RHOBTB1: variants seen among roughly 807,000 people sequenced by gnomAD.
RHOBTB1 encodes rho-related BTB domain-containing protein 1.
A neutral mutation model predicts 71.6 loss-of-function variants in RHOBTB1; 40 were observed. The ratio of observed to expected loss-of-function variants is 0.56; its 90% CI spans 0.43 to 0.73. The LOEUF (loss-of-function observed/expected upper bound fraction) is 0.73. Among genes scored for constraint, RHOBTB1 ranks in the 30% least tolerant of loss-of-function variants. The probability of loss-of-function intolerance (pLI) is 0.00; values close to 1 mark genes in which losing one functional copy is unlikely to be tolerated. For synonymous variants in RHOBTB1, 319 were observed against 334.9 expected (o/e 0.95, Z 0.52); for missense variants, 797 against 894.0 (o/e 0.89, Z 1.38).
intron 3 of RHOBTB1, 127 bp downstream of exon 3, chr10:60,911,224 G>T: frequency 1.0e-6 from 1 of 980,826 alleles, no homozygotes; most frequent in Non-Finnish European, 1.5e-6. Flanking sequence ...GTTTTCTCTC[G>T]TGGCACTAAA....
At chr10:60,864,821 G>A (rs1564708115), downstream of RHOBTB1, among the ~76,000 whole-genome samples, 1 of 152,074 alleles carries the variant, frequency 6.6e-6, no homozygotes, top group African/African-American at 2.4e-5. Flanking sequence ...GCCTCGCATA[G>A]CTAGGATTAC....
At chr10:60,882,494 T>G (rs2132452204) in intron 7 of RHOBTB1, among the ~76,000 whole-genome samples, 1 of 152,270 alleles carries the variant, frequency 6.6e-6, no homozygotes, top group Admixed American at 6.5e-5. Flanking sequence ...ATACAATGTT[T>G]TCCTGAATAT....
At chr10:60,977,706 G>T (rs1183757016) in intron 2 of RHOBTB1, among the ~76,000 whole-genome samples, 1 of 151,986 alleles carries the variant, frequency 6.6e-6, no homozygotes, top group East Asian at 1.9e-4. Context: ...CATGAACCAA[G>T]GTGGTGAAAA....
intron 8 of RHOBTB1, chr10:60,877,301 T>C (rs985676794): frequency 6.6e-6 from 1 of 152,262 alleles, no homozygotes; most frequent in Non-Finnish European, 1.5e-5. Context: ...GAAAACCACT[T>C]ACATAATGCT....
chr10:60,874,579 T>C (rs2080951877), intron 9 of RHOBTB1, among the ~76,000 whole-genome samples: 1 of 152,220 alleles, frequency 6.6e-6, no homozygotes, highest in Non-Finnish European at 1.5e-5. Flanking sequence ...GAGATGTTCA[T>C]TAACAGGGGA....
chr10:60,911,799 T>A (rs1371758966), intron 2 of RHOBTB1, among the ~76,000 whole-genome samples: 1 of 152,198 alleles, frequency 6.6e-6, no homozygotes, highest in Non-Finnish European at 1.5e-5. Flanking sequence ...CGTTAACTGT[T>A]ATTTTCTCCT....
At chr10:60,946,133 G>A (rs540091058), upstream of RHOBTB1, among the ~76,000 whole-genome samples, 60 of 151,720 alleles carry the variant, frequency 4.0e-4, no homozygotes, top group African/African-American at 1.4e-3. Context: ...AGCCGAGATC[G>A]CGCCACTGCA....
chr10:60,917,516 G>A (rs10994576), intron 2 of RHOBTB1, among the ~76,000 whole-genome samples: 1 of 151,880 alleles, frequency 6.6e-6, no homozygotes, highest in African/African-American at 2.4e-5. Context: ...TCTGGTGAGG[G>A]CTCTCTTCCT....
intron 4 of RHOBTB1, among the ~76,000 whole-genome samples, chr10:60,894,150 C>G (rs2082054360): frequency 6.6e-6 from 1 of 152,078 alleles, no homozygotes; most frequent in South Asian, 2.1e-4. Context: ...TGAAGACAAA[C>G]AAATATATGC....
At chr10:60,980,525 C>T (rs1349278329) in intron 2 of RHOBTB1, among the ~76,000 whole-genome samples, 2 of 151,736 alleles carry the variant, frequency 1.3e-5, no homozygotes, top group Non-Finnish European at 2.9e-5. Context: ...CAGTCCTTTG[C>T]TTATTGAGAG....
At chr10:60,891,614 T>C (rs1030084596) in intron 5 of RHOBTB1, among the ~76,000 whole-genome samples, 1 of 151,990 alleles carries the variant, frequency 6.6e-6, no homozygotes, top group Non-Finnish European at 1.5e-5. Context: ...TCCTGAAATG[T>C]TGGGTTTACA....
At chr10:60,913,959 G>A (rs2083131760) in intron 2 of RHOBTB1, among the ~76,000 whole-genome samples, 1 of 152,096 alleles carries the variant, frequency 6.6e-6, no homozygotes, top group Admixed American at 6.5e-5. Flanking sequence ...CACACTGATG[G>A]TTTCAAAAAT....
intron 2 of RHOBTB1, among the ~76,000 whole-genome samples, chr10:60,980,223 A>G (rs1301859592): frequency 2.0e-5 from 3 of 152,350 alleles, no homozygotes; most frequent in East Asian, 3.9e-4. Context: ...ATGATAGGTG[A>G]TAGTTTAAAA....
intron 2 of RHOBTB1, among the ~76,000 whole-genome samples, chr10:60,940,847 C>T (rs535669651): frequency 1.4e-4 from 22 of 152,254 alleles, no homozygotes; most frequent in South Asian, 4.1e-4. Context: ...CATAAATGTA[C>T]CATTGATCCC....
At chr10:60,946,494 A>G (rs1451829486), upstream of RHOBTB1, among the ~76,000 whole-genome samples, 1 of 152,204 alleles carries the variant, frequency 6.6e-6, no homozygotes, top group Admixed American at 6.5e-5. Flanking sequence ...CTGATGAGGC[A>G]GATGCTATAA....
At chr10:60,906,662 C>T (rs1046750401) in intron 4 of RHOBTB1, among the ~76,000 whole-genome samples, 21 of 152,200 alleles carry the variant, frequency 1.4e-4, no homozygotes, top group African/African-American at 4.8e-4. Flanking sequence ...GGACAGGACA[C>T]ATGCAGCACG....
intron 1 of RHOBTB1, among the ~76,000 whole-genome samples, chr10:60,997,008 TTTGAACATGC>T (rs968621192): frequency 2.0e-5 from 3 of 151,910 alleles, no homozygotes; most frequent in Non-Finnish European, 4.4e-5. Flanking sequence ...TAGAAACATT[TTTGAACATGC>T]TTGATTTGAG....
Position 60,872,303 on chromosome 10 carries a change from G to T in RHOBTB1, c.1816-13C>A. ...GGGCATTGTGAAACTGCAGAAAAGTGAGCAAAAGGAGGGTAAGACTATTTT... is the reference window on the plus strand; with the variant it reads ...GGGCATTGTGAAACTGCAGAAAAGTTAGCAAAAGGAGGGTAAGACTATTTT... On this transcript the variant is annotated splice_polypyrimidine_tract_variant and intron_variant, in intron 9 of 10. Transcript: ENST00000337910. The T allele has an allele frequency of 6.3e-7, 1 of 1,590,220 alleles. No individual in the cohort carries two copies. The highest frequency in any genetic ancestry group is 8.6e-7 in the Non-Finnish European group (1 of 1,158,258).
chr10:60,956,531 C>T (rs1360932543), intron 2 of RHOBTB1, among the ~76,000 whole-genome samples: 1 of 152,020 alleles, frequency 6.6e-6, no homozygotes, highest in African/African-American at 2.4e-5. Flanking sequence ...AACCTTTTGG[C>T]TATTTTATAA....
Sources: gnomAD v4.1 joint callset for allele counts (sites outside exome capture counted in the v4.1 genomes callset) on GRCh38, gnomAD v4.1.1 for gene constraint, MANE v1.5 for transcripts, NCBI Gene and HGNC (gene_info 2026-07-23, HGNC 2026-07-21) for gene names.